The following COL26A1 variants were observed in gnomAD, a reference collection of about 807,000 sequenced individuals.
The protein encoded by COL26A1 is collagen type XXVI alpha 1 chain, also known as collagen alpha-1(XXVI) chain.
A neutral mutation model predicts 59.3 loss-of-function variants in COL26A1; 41 were observed. That is an observed-to-expected ratio of 0.69 (90% CI 0.54 to 0.90). The LOEUF (loss-of-function observed/expected upper bound fraction) is 0.90, where lower values mean the gene tolerates loss of function less well. Among genes scored for constraint, COL26A1 ranks in the 40% least tolerant of loss-of-function variants. The pLI is 0.00. For synonymous variants in COL26A1, 266 were observed against 256.0 expected (o/e 1.04, Z -0.37); for missense variants, 612 against 602.3 (o/e 1.02, Z -0.17).
chr7:101,389,828 C>T (rs1791684380), intron 1 of COL26A1, among the ~76,000 whole-genome samples: 1 of 152,078 alleles, frequency 6.6e-6, no homozygotes, highest in African/African-American at 2.4e-5. Context: ...GCTGGGATTA[C>T]AGGCGTGAGC....
In COL26A1 at chr7:101,466,616, G is replaced by A. The variant is rs768823650; in HGVS notation, c.385+18829G>A. ...AAAGTGGGAGAATCGCTTGAGCCTCGGAGGTTGAGGCTGCAGTGAGCTGTG... is the reference window on the plus strand; with the variant it reads ...AAAGTGGGAGAATCGCTTGAGCCTCAGAGGTTGAGGCTGCAGTGAGCTGTG... On this transcript the variant is annotated intron_variant, in intron 3 of 12. Coordinates refer to ENST00000313669, the MANE Select transcript of COL26A1 (RefSeq NM_001278563.3). Among the ~76,000 whole-genome samples, 13 of 152,216 alleles carry A rather than the reference G, an allele frequency of 8.5e-5. No individual in the cohort carries two copies. The South Asian group carries it at 1.9e-3, about 22-fold the overall frequency.
In COL26A1 at chr7:101,545,369, T is replaced by C. The variant is rs1795710981; in HGVS notation, c.735T>C (p.Leu245=). Residue 245 remains leucine (L), a synonymous_variant, in exon 7 of 13, where the codon CTT becomes CTC. Coordinates refer to ENST00000313669, the MANE Select transcript of COL26A1 (RefSeq NM_001278563.3). ...TGGGGCCTCCAGGGCCCCGTGGGCT[T>C]CCTGGAGAGATGGGGCGCCCCGGCC... ...GLLGPPGPRG[L]PGEMGRPGPP... 1.3e-6 allele frequency: 2 copies of C among 1,586,722 alleles called. No individual in the cohort carries two copies. Among genetic ancestry groups the C allele is most frequent in the Non-Finnish European group, 1.7e-6 (2 of 1,170,734 alleles).
intron 1 of COL26A1, among the ~76,000 whole-genome samples, chr7:101,363,686 C>T (rs998512403): frequency 1.3e-5 from 2 of 151,764 alleles, no homozygotes; most frequent in Admixed American, 6.6e-5. Context: ...TCTGGCCGCG[C>T]CCACCCTGTC....
chr7:101,481,625 A>G (rs1794159049), intron 3 of COL26A1, among the ~76,000 whole-genome samples: 1 of 151,782 alleles, frequency 6.6e-6, no homozygotes, highest in African/African-American at 2.4e-5. Flanking sequence ...TGATTTTTAA[A>G]TATTTTGTAG....
intron 1 of COL26A1, among the ~76,000 whole-genome samples, chr7:101,372,348 T>C (rs570818064): frequency 2.0e-5 from 3 of 152,182 alleles, no homozygotes; most frequent in African/African-American, 7.2e-5. Context: ...GTATTTTTAG[T>C]AGAGCTGGGG....
chr7:101,411,782 G>A (rs1421319986), intron 1 of COL26A1, among the ~76,000 whole-genome samples: 1 of 152,040 alleles, frequency 6.6e-6, no homozygotes, highest in African/African-American at 2.4e-5. Flanking sequence ...GGATGAGGAA[G>A]TGGGGACAGA....
intron 2 of COL26A1, among the ~76,000 whole-genome samples, chr7:101,444,651 G>T (rs28693641): frequency 5.3e-5 from 8 of 151,386 alleles, no homozygotes; most frequent in African/African-American, 1.7e-4. Context: ...CCGACCTCAG[G>T]TGATCCGCCC....
intron 1 of COL26A1, among the ~76,000 whole-genome samples, chr7:101,364,142 G>C (rs1466866942): frequency 6.6e-6 from 1 of 152,172 alleles, no homozygotes; most frequent in Non-Finnish European, 1.5e-5. Context: ...GGGACGCTCA[G>C]GGCTGCGGCT....
At chr7:101,386,312 C>T (rs1335825910) in intron 1 of COL26A1, among the ~76,000 whole-genome samples, 2 of 149,694 alleles carry the variant, frequency 1.3e-5, no homozygotes, top group Non-Finnish European at 2.9e-5. Flanking sequence ...GCTCTGTTGC[C>T]CAGGCTAAGT....
At chr7:101,364,738 T>C (rs1219078980) in intron 1 of COL26A1, among the ~76,000 whole-genome samples, 3 of 152,054 alleles carry the variant, frequency 2.0e-5, no homozygotes, top group Non-Finnish European at 4.4e-5. Flanking sequence ...ACTGGCTAAT[T>C]TTTTGATTTT....
At chr7:101,507,152 T>C (rs968076979) in intron 3 of COL26A1, among the ~76,000 whole-genome samples, 1 of 152,278 alleles carries the variant, frequency 6.6e-6, no homozygotes, top group African/African-American at 2.4e-5. Context: ...TGGCCTCAAG[T>C]GATCCGCCTG....
At chr7:101,385,944 C>T (rs916184063) in intron 1 of COL26A1, among the ~76,000 whole-genome samples, 2 of 152,086 alleles carry the variant, frequency 1.3e-5, no homozygotes, top group South Asian at 2.1e-4. Context: ...ATCTCCTGAC[C>T]TCGTGATCTG....
intron 3 of COL26A1, among the ~76,000 whole-genome samples, chr7:101,484,537 ATTTTTGTATTTTTAGTGG>A (rs1009028135): frequency 8.6e-5 from 13 of 151,320 alleles, no homozygotes; most frequent in African/African-American, 2.7e-4. Context: ...CACCCGGCTA[ATTTTTGTATTTTTAGTGG>A]AGACAGGGTT....
intron 1 of COL26A1, among the ~76,000 whole-genome samples, chr7:101,418,431 C>T (rs1314109638): frequency 2.0e-5 from 3 of 152,084 alleles, no homozygotes; most frequent in Non-Finnish European, 4.4e-5. Flanking sequence ...CCCATTGCTT[C>T]TCTCTTTCCA....
chr7:101,507,153 G>T (rs1051656944), intron 3 of COL26A1, among the ~76,000 whole-genome samples: 5 of 152,110 alleles, frequency 3.3e-5, no homozygotes, highest in African/African-American at 1.2e-4. Context: ...GGCCTCAAGT[G>T]ATCCGCCTGC....
At chr7:101,410,469 G>C (rs995166120) in intron 1 of COL26A1, among the ~76,000 whole-genome samples, 3 of 152,162 alleles carry the variant, frequency 2.0e-5, no homozygotes, top group Admixed American at 6.5e-5. Flanking sequence ...AGCCTGCCTG[G>C]GACTAGGAGA....
chr7:101,404,682 G>GC, intron 1 of COL26A1, among the ~76,000 whole-genome samples: 1 of 152,328 alleles, frequency 6.6e-6, no homozygotes, highest in East Asian at 1.9e-4. Flanking sequence ...GATTGCTTGA[G>GC]CCCAGGAGCT....
intron 3 of COL26A1, among the ~76,000 whole-genome samples, chr7:101,469,460 A>G (rs983033268): frequency 2.6e-5 from 4 of 151,168 alleles, no homozygotes; most frequent in Non-Finnish European, 5.9e-5. Context: ...GTTTACCTGC[A>G]CTTATGCAAA....
rs896075307 is a variant in COL26A1 at position 101,422,023 on chromosome 7, C to G, written c.281+1924C>G. Among the ~76,000 whole-genome samples, 2 of 152,010 alleles carry G rather than the reference C, an allele frequency of 1.3e-5. 1 individual carries two copies. On this transcript the variant is annotated intron_variant, in intron 2 of 12. Coordinates refer to ENST00000313669, the MANE Select transcript of COL26A1 (RefSeq NM_001278563.3). ...TCATTTTCATTTTTATTAGAAACAG[C>G]TGCTTTTGCCAGTTGCGGTGGCTCA...
Sources: allele counts gnomAD v4.1 joint callset (sites outside exome capture counted in the v4.1 genomes callset), GRCh38; gene constraint gnomAD v4.1.1; transcripts MANE v1.5; gene names NCBI Gene and HGNC (gene_info 2026-07-23, HGNC 2026-07-21).